The following PPFIBP2 variants were observed in gnomAD, a reference collection of about 807,000 sequenced individuals.
PPFIBP2 encodes PPFIB scaffold protein 2, also known as liprin-beta-2.
Under a neutral mutation model 118.3 loss-of-function variants are expected in PPFIBP2, and 118 were observed. The ratio of observed to expected loss-of-function variants is 1.00; its 90% confidence interval spans 0.86 to 1.16. PPFIBP2 has a LOEUF of 1.16. Ranked by LOEUF, PPFIBP2 falls within the 50% of genes most tolerant of loss-of-function variation. The pLI, the probability that PPFIBP2 is intolerant of heterozygous loss-of-function variation, is 0.00. For missense variants in PPFIBP2, 1,195 were observed against 1,073.1 expected, an observed-to-expected ratio of 1.11 and a Z score of -1.59; for synonymous variants, 414 against 397.4, an observed-to-expected ratio of 1.04 and a Z score of -0.50.
chr11:7,519,839 A>T lies in PPFIBP2; in HGVS notation c.-37+5718A>T, dbSNP rs1352250945. Among the ~76,000 whole-genome samples, 4 of 152,110 alleles carry T rather than the reference A, an allele frequency of 2.6e-5. 1 individual carries two copies. The highest frequency in any genetic ancestry group is 2.9e-5 in the Non-Finnish European group (2 of 67,990). On this transcript the variant is annotated intron_variant, in intron 1 of 23. Coordinates refer to ENST00000299492, the MANE Select transcript of PPFIBP2 (RefSeq NM_003621.5). ...TGGAGCCTTTTTGGACCAACGTTGGATTTTCGGACCAGAGAAACCAAAAGA... is the reference window on the plus strand; with the variant it reads ...TGGAGCCTTTTTGGACCAACGTTGGTTTTTCGGACCAGAGAAACCAAAAGA...
intron 4 of PPFIBP2, among the ~76,000 whole-genome samples, chr11:7,596,568 A>G (rs542442187): frequency 1.3e-5 from 2 of 152,312 alleles, no homozygotes; most frequent in African/African-American, 4.8e-5. Flanking sequence ...TAATTCAGAA[A>G]GTTTATCTAA....
At chr11:7,615,942 G>C (rs1848589950) in intron 6 of PPFIBP2, among the ~76,000 whole-genome samples, 1 of 152,212 alleles carries the variant, frequency 6.6e-6, no homozygotes, top group South Asian at 2.1e-4. Flanking sequence ...AATTCTGACT[G>C]TGCAATCTCA....
At chr11:7,545,563 TTCA>T (rs778573396) in intron 1 of PPFIBP2, among the ~76,000 whole-genome samples, 3 of 152,238 alleles carry the variant, frequency 2.0e-5, no homozygotes, top group Non-Finnish European at 4.4e-5. Flanking sequence ...TAAATTAAAC[TTCA>T]TCAGAGGTCT....
the PPFIBP2 span, chr11:7,665,989 G>C: frequency 7.4e-7 from 1 of 1,342,600 alleles, no homozygotes; most frequent in Non-Finnish European, 1.0e-6. Flanking sequence ...GCGCGCCTGT[G>C]GGGTGCTCTG....
rs752834821 is a variant in PPFIBP2 at position 7,653,619 on chromosome 11, C to A, written c.*401C>A. The stretch of plus-strand genomic sequence containing the variant: ...GAGGGAAAAGCTCAAGTGCCTTAGG[C>A]CCGTGGACCACAGTCTTGGCTGAGA... On this transcript the variant is annotated 3_prime_UTR_variant, in exon 24 of 24. Coordinates refer to ENST00000299492, the MANE Select transcript of PPFIBP2 (RefSeq NM_003621.5). 6 of 1,296,104 alleles carry A rather than the reference C, an allele frequency of 4.6e-6. No homozygotes were observed. In the East Asian group the frequency reaches 3.3e-4, roughly 71 times the overall value. The allele number at this position is 1,296,104 out of a possible 1,614,324, so 80.3% of individuals were successfully genotyped here.
At position 7,565,621 on chromosome 11, in the gene PPFIBP2, A is replaced by C; in HGVS notation, c.133A>C (p.Met45Leu). 1.2e-6 allele frequency: 2 copies of C among 1,614,172 alleles called. No individual in the cohort carries two copies. Among genetic ancestry groups the C allele is most frequent in the Middle Eastern group, 1.6e-4 (1 of 6,062 alleles). The change falls in exon 3 of 24, where the codon ATG (methionine) becomes CTG (leucine). Residue 45 changes from methionine (M) to leucine (L), a missense_variant. By Grantham distance (15) the Met-to-Leu change is conservative (BLOSUM62 2). Coordinates refer to ENST00000299492, the MANE Select transcript of PPFIBP2 (RefSeq NM_003621.5). Reference sequence around the variant, plus strand: ...TGGACTGGCTTCCCCGGCCTCCTACATGAACCCCTTCCCGGTGCTCCATCT... The same window carrying C: ...TGGACTGGCTTCCCCGGCCTCCTACCTGAACCCCTTCCCGGTGCTCCATCT... Reference protein sequence around the residue: ...EPGLASPASYMNPFPVLHLIE... With the variant: ...EPGLASPASYLNPFPVLHLIE...
rs369131353 is a variant in PPFIBP2, at chr11:7,629,583, G to A, written c.964+49G>A. ...GTTGTCTCTGAAAGATATTCCATCA[G>A]CTGTGTTAAAGCCAGGGGCAGTTCT... On this transcript the variant is annotated intron_variant, in intron 10 of 23. Transcript: ENST00000299492. The A allele has an allele frequency of 4.4e-6, 7 of 1,585,866 alleles. No individual in the cohort carries two copies. In the Admixed American group the frequency reaches 1.0e-4, roughly 23 times the overall value.
At chr11:7,593,398 T>A (rs1192779593) in intron 4 of PPFIBP2, among the ~76,000 whole-genome samples, 174 bp downstream of exon 4, 1 of 152,172 alleles carries the variant, frequency 6.6e-6, no homozygotes, top group Non-Finnish European at 1.5e-5. Flanking sequence ...GAGGGGACAA[T>A]TTAACTCTAG....
chr11:7,542,639 C>G (rs953111603), intron 1 of PPFIBP2, among the ~76,000 whole-genome samples: 1 of 152,182 alleles, frequency 6.6e-6, no homozygotes, highest in African/African-American at 2.4e-5. Flanking sequence ...TAAACAAAGT[C>G]TTCACCAATT....
chr11:7,600,366 T>G (rs1199425176), intron 5 of PPFIBP2, among the ~76,000 whole-genome samples: 1 of 152,236 alleles, frequency 6.6e-6, no homozygotes, highest in Non-Finnish European at 1.5e-5. Context: ...TGATGCTGTT[T>G]GTGAAGACAC....
At chr11:7,632,392 C>G (rs920879627) in intron 11 of PPFIBP2, 1 of 161,460 alleles carries the variant, frequency 6.2e-6, no homozygotes, top group Non-Finnish European at 1.4e-5. Context: ...AGACCTGGCA[C>G]AGGGCCTGGC....
chr11:7,663,825 G>T, the PPFIBP2 span, among the ~76,000 whole-genome samples: 1 of 152,246 alleles, frequency 6.6e-6, no homozygotes. Context: ...GACCCTCCCA[G>T]CCAGGTGCGG....
intron 3 of PPFIBP2, among the ~76,000 whole-genome samples, chr11:7,582,085 G>A (rs991407661): frequency 5.3e-5 from 8 of 152,014 alleles, no homozygotes; most frequent in Non-Finnish European, 7.4e-5. Flanking sequence ...TGATGCGCCC[G>A]CCTCAGCCTC....
intron 1 of PPFIBP2, among the ~76,000 whole-genome samples, chr11:7,524,130 G>A (rs550444689): frequency 4.9e-5 from 6 of 123,466 alleles, no homozygotes; most frequent in Non-Finnish European, 7.0e-5. Flanking sequence ...GTGTCTGTGC[G>A]TGTGTGTGTG....
chr11:7,546,808 C>T lies in PPFIBP2; in HGVS notation c.-36-2632C>T, dbSNP rs193121836. On this transcript the variant is annotated intron_variant, in intron 1 of 23. Coordinates refer to ENST00000299492, the MANE Select transcript of PPFIBP2 (RefSeq NM_003621.5). Reference sequence around the variant, plus strand: ...TTCTCCTCCTCATCTTCTGAGAAAGCTTCTATCATCCTTCAAGACCCAGGG... The same window carrying T: ...TTCTCCTCCTCATCTTCTGAGAAAGTTTCTATCATCCTTCAAGACCCAGGG... 1.5e-3 allele frequency among the ~76,000 whole-genome samples: 234 copies of T among 152,356 alleles called. 1 individual carries two copies. The highest frequency in any genetic ancestry group is 5.6e-3 in the African/African-American group (231 of 41,586).
intron 6 of PPFIBP2, among the ~76,000 whole-genome samples, chr11:7,618,333 T>C (rs1848927009): frequency 6.6e-6 from 1 of 152,200 alleles, no homozygotes; most frequent in Non-Finnish European, 1.5e-5. Flanking sequence ...TGTACTAATG[T>C]TGGTAGTCAA....
rs749610333 is a variant in PPFIBP2, at chr11:7,639,779, G to A, written c.1284G>A (p.Lys428=). 8 of 1,614,178 alleles carry A rather than the reference G, an allele frequency of 5.0e-6. No individual in the cohort carries two copies. The highest frequency in any genetic ancestry group is 2.2e-5 in the South Asian group (2 of 91,074). The change falls in exon 15 of 24, where the codon AAG becomes AAA. Residue 428 remains lysine (K), a synonymous_variant. Transcript: ENST00000299492. ...ACAAATATCCCACTTTACCTGGGAAGCTTTCAGGAGCCACGCCCAATGGAG... is the reference window on the plus strand; with the variant it reads ...ACAAATATCCCACTTTACCTGGGAAACTTTCAGGAGCCACGCCCAATGGAG... ...AEHKYPTLPG[K]LSGATPNGEA... is the part of the protein sequence containing the mutation.
chr11:7,580,732 T>TAAGAGAGGGAG (rs1282149320), intron 3 of PPFIBP2, among the ~76,000 whole-genome samples: 1 of 152,216 alleles, frequency 6.6e-6, no homozygotes, highest in Non-Finnish European at 1.5e-5. Context: ...TTTCTTTAAC[T>TAAGAGAGGGAG]ATAAAATAAG....
chr11:7,535,357 G>A (rs531932932), intron 1 of PPFIBP2, among the ~76,000 whole-genome samples: 8 of 152,340 alleles, frequency 5.3e-5, no homozygotes, highest in African/African-American at 1.9e-4. Context: ...GTGGCATAAG[G>A]ATGCTCTCTT....
Sources: allele counts gnomAD v4.1 joint callset (sites outside exome capture counted in the v4.1 genomes callset), GRCh38; gene constraint gnomAD v4.1.1; transcripts MANE v1.5; gene names NCBI Gene and HGNC (gene_info 2026-07-23, HGNC 2026-07-21).